FRMPD4: variants seen among roughly 807,000 people sequenced by gnomAD.
FRMPD4 encodes the protein FERM and PDZ domain-containing protein 4.
FRMPD4 carries 22 observed loss-of-function variants against 94.1 expected under a neutral mutation model. That is an observed-to-expected ratio of 0.23 (90% CI 0.17 to 0.33). FRMPD4 has a LOEUF of 0.33. Among genes scored for constraint, FRMPD4 ranks in the 10% least tolerant of loss-of-function variants. The probability of loss-of-function intolerance (pLI) is 1.00; values close to 1 mark genes in which losing one functional copy is unlikely to be tolerated. For synonymous variants in FRMPD4, 631 were observed against 548.6 expected, an observed-to-expected ratio of 1.15 and a Z score of -2.10; for missense variants, 1,111 against 1,339.9, an observed-to-expected ratio of 0.83 and a Z score of 2.67.
intron 1 of FRMPD4, among the ~76,000 whole-genome samples, chrX:11,834,237 A>G (rs1194525687): frequency 9.0e-6 from 1 of 111,725 alleles, no homozygotes; most frequent in African/African-American, 3.3e-5. Context: ...CAAGCAATCT[A>G]TCCATGTCAA....
intron 7 of FRMPD4, among the ~76,000 whole-genome samples, chrX:12,687,807 G>A (rs924580415): frequency 2.7e-5 from 3 of 111,713 alleles, no homozygotes; most frequent in African/African-American, 9.8e-5. Context: ...AACCAGGGAC[G>A]TTCACCCAAG....
intron 3 of FRMPD4, among the ~76,000 whole-genome samples, chrX:11,959,909 T>C (rs2054275560): frequency 9.0e-6 from 1 of 111,527 alleles, no homozygotes; most frequent in Non-Finnish European, 1.9e-5. Context: ...GTTTCTTTCA[T>C]GGTGGGGAAA....
chrX:12,445,555 C>A (rs992865345), intron 1 of FRMPD4, among the ~76,000 whole-genome samples: 1 of 112,312 alleles, frequency 8.9e-6, no homozygotes, highest in Non-Finnish European at 1.9e-5. Flanking sequence ...TCTCTCTATT[C>A]CTGACAACAA....
At chrX:12,165,287 C>A (rs1474435507) in intron 1 of FRMPD4, among the ~76,000 whole-genome samples, 5 of 112,432 alleles carry the variant, frequency 4.4e-5, no homozygotes, top group African/African-American at 1.6e-4. Flanking sequence ...GTTTTCCCAG[C>A]ACCATTTATT....
chrX:11,885,899 A>T (rs1456940671), intron 3 of FRMPD4, among the ~76,000 whole-genome samples: 1 of 111,907 alleles, frequency 8.9e-6, no homozygotes, highest in Non-Finnish European at 1.9e-5. Context: ...TATTCCACTG[A>T]CCTTATTAAA....
intron 3 of FRMPD4, among the ~76,000 whole-genome samples, chrX:11,944,100 T>C (rs2054176546): frequency 8.9e-6 from 1 of 112,540 alleles, no homozygotes; most frequent in East Asian, 2.8e-4. Context: ...AGTAAAACTT[T>C]CTTTACTGAC....
intron 3 of FRMPD4, among the ~76,000 whole-genome samples, chrX:11,949,112 G>C (rs1018972718): frequency 8.9e-6 from 1 of 112,036 alleles, no homozygotes; most frequent in Non-Finnish European, 1.9e-5. Context: ...TTATTAGTGT[G>C]TTCTGACTTA....
intron 3 of FRMPD4, among the ~76,000 whole-genome samples, chrX:12,095,569 G>A (rs1415680586): frequency 9.0e-6 from 1 of 110,797 alleles, no homozygotes; most frequent in Non-Finnish European, 1.9e-5. Context: ...AGCCTAAAAT[G>A]TTTACTCCCT....
chrX:12,206,029 A>G (rs758987108), intron 1 of FRMPD4, among the ~76,000 whole-genome samples: 2 of 112,146 alleles, frequency 1.8e-5, no homozygotes, highest in East Asian at 5.7e-4. Context: ...TAACTTTCTA[A>G]TAAGTGTGTT....
intron 3 of FRMPD4, among the ~76,000 whole-genome samples, chrX:11,951,933 G>T (rs1199432374): frequency 8.9e-6 from 1 of 112,113 alleles, no homozygotes; most frequent in Non-Finnish European, 1.9e-5. Context: ...CTACTCAGGA[G>T]GCTGAGGTGG....
At chrX:12,060,689 G>A (rs892527880) in intron 3 of FRMPD4, among the ~76,000 whole-genome samples, 1 of 111,249 alleles carries the variant, frequency 9.0e-6, no homozygotes, top group African/African-American at 3.3e-5. Flanking sequence ...CCTGTTGTGT[G>A]TATCTGGTTG....
At chrX:12,248,689 C>T (rs2053989576) in intron 1 of FRMPD4, among the ~76,000 whole-genome samples, 1 of 112,228 alleles carries the variant, frequency 8.9e-6, no homozygotes, top group African/African-American at 3.2e-5. Context: ...GTCATAACCC[C>T]GATGACATTT....
chrX:12,433,064 T>C (rs1394775619), intron 1 of FRMPD4, among the ~76,000 whole-genome samples: 1 of 112,554 alleles, frequency 8.9e-6, no homozygotes, highest in African/African-American at 3.2e-5. Context: ...TCCTTTAACA[T>C]TTTATGAGTT....
At chrX:12,477,821 C>T (rs1239497564) in intron 1 of FRMPD4, among the ~76,000 whole-genome samples, 1 of 112,716 alleles carries the variant, frequency 8.9e-6, no homozygotes, top group Non-Finnish European at 1.9e-5. Flanking sequence ...TTTGTTACTA[C>T]ATTTGTTTAT....
At chrX:12,685,801 G>A (rs1441216692) in intron 6 of FRMPD4, among the ~76,000 whole-genome samples, 2 of 111,911 alleles carry the variant, frequency 1.8e-5, no homozygotes, top group Non-Finnish European at 3.8e-5. Context: ...GCTTAGGTCT[G>A]GGCTTGTAGT....
intron 2 of FRMPD4, among the ~76,000 whole-genome samples, chrX:12,604,603 T>C (rs1428317827): frequency 8.9e-6 from 1 of 112,408 alleles, no homozygotes; most frequent in Non-Finnish European, 1.9e-5. Context: ...TCATAATGTC[T>C]GAAACGGACT....
intron 1 of FRMPD4, among the ~76,000 whole-genome samples, chrX:11,826,852 G>A (rs748365624): frequency 9.1e-6 from 1 of 109,579 alleles, no homozygotes; most frequent in Admixed American, 9.9e-5. Context: ...CCCAGACAAA[G>A]AGGAATGAGA....
intron 14 of FRMPD4, among the ~76,000 whole-genome samples, chrX:12,713,798 A>T (rs940483479): frequency 1.8e-5 from 2 of 111,938 alleles, no homozygotes; most frequent in Non-Finnish European, 3.8e-5. Context: ...CAGGAAGCCA[A>T]ATCAGTAGAC....
At chrX:12,452,284 CATAATT>C (rs1475982297) in intron 1 of FRMPD4, among the ~76,000 whole-genome samples, 3 of 112,243 alleles carry the variant, frequency 2.7e-5, no homozygotes, top group African/African-American at 9.7e-5. Context: ...TTAGATCACT[CATAATT>C]AAAATGGGAT....
Sources: allele counts gnomAD v4.1 joint callset (sites outside exome capture counted in the v4.1 genomes callset), GRCh38; gene constraint gnomAD v4.1.1; transcripts MANE v1.5; gene names NCBI Gene and HGNC (gene_info 2026-07-23, HGNC 2026-07-21).